Variants in PCDH15 observed in about 807,000 individuals in gnomAD.
The protein encoded by PCDH15 is protocadherin related 15, also known as protocadherin-15.
Under a neutral mutation model 178.5 loss-of-function variants are expected in PCDH15, and 129 were observed. The ratio of observed to expected loss-of-function variants is 0.72; its 90% CI spans 0.63 to 0.84. PCDH15 has a LOEUF of 0.84. Among genes scored for constraint, PCDH15 ranks in the 40% least tolerant of loss-of-function variants. PCDH15 has a pLI of 0.00. For missense variants in PCDH15, 2,230 were observed against 2,099.9 expected (o/e 1.06, Z -1.21); for synonymous variants, 800 against 732.0 (o/e 1.09, Z -1.50).
chr10:54,320,299 C>T (rs1462999351), intron 7 of PCDH15, among the ~76,000 whole-genome samples: 3 of 152,004 alleles, frequency 2.0e-5, no homozygotes, highest in Non-Finnish European at 2.9e-5. Context: ...TTAATCTCCC[C>T]TTTGACTCCT....
At chr10:53,886,598 T>C (rs1356819950) in intron 26 of PCDH15, among the ~76,000 whole-genome samples, 3 of 14,396 alleles carry the variant, frequency 2.1e-4, no homozygotes, top group African/African-American at 8.3e-4. Context: ...TATGCCTCTT[T>C]TTTTTTTTTT....
At chr10:55,605,019 A>T (rs1843181366) in intron 2 of PCDH15, among the ~76,000 whole-genome samples, 1 of 152,310 alleles carries the variant, frequency 6.6e-6, no homozygotes, top group Admixed American at 6.5e-5. Context: ...AAAGAAAACA[A>T]GAGAGAAGAA....
chr10:54,651,003 A>G (rs1470946219), intron 2 of PCDH15, among the ~76,000 whole-genome samples: 2 of 152,164 alleles, frequency 1.3e-5, no homozygotes, highest in Non-Finnish European at 2.9e-5. Flanking sequence ...CACTAAATAC[A>G]ATCAGTGGCA....
intron 2 of PCDH15, among the ~76,000 whole-genome samples, chr10:55,401,764 T>C (rs1330677913): frequency 6.6e-6 from 1 of 151,982 alleles, no homozygotes; most frequent in Non-Finnish European, 1.5e-5. Context: ...ACATTTAATA[T>C]GCATTATACA....
chr10:54,637,872 A>C (rs755507907), intron 2 of PCDH15, among the ~76,000 whole-genome samples: 2 of 152,108 alleles, frequency 1.3e-5, no homozygotes, highest in Non-Finnish European at 2.9e-5. Context: ...GTCTGAATCT[A>C]TTTGGTACTG....
At chr10:54,455,082 T>A (rs1013968633) in intron 3 of PCDH15, among the ~76,000 whole-genome samples, 3 of 152,168 alleles carry the variant, frequency 2.0e-5, no homozygotes, top group African/African-American at 7.2e-5. Context: ...CCTGCTGCCA[T>A]GTGAAGAAGA....
intron 23 of PCDH15, among the ~76,000 whole-genome samples, chr10:53,952,559 A>T (rs964542209): frequency 2.6e-5 from 4 of 152,138 alleles, no homozygotes; most frequent in African/African-American, 9.7e-5. Context: ...CAGCCTGGAG[A>T]AAGCACCATA....
intron 3 of PCDH15, among the ~76,000 whole-genome samples, chr10:54,815,562 A>C (rs371782783): frequency 3.9e-5 from 6 of 152,132 alleles, no homozygotes; most frequent in African/African-American, 1.2e-4. Flanking sequence ...TCTCCAGTAA[A>C]TTGCATATCA....
chr10:55,034,013 C>T (rs879818173), intron 2 of PCDH15, among the ~76,000 whole-genome samples: 1 of 151,702 alleles, frequency 6.6e-6, no homozygotes, highest in Non-Finnish European at 1.5e-5. Flanking sequence ...TGGATGTGGC[C>T]TTACCAGACA....
intron 2 of PCDH15, among the ~76,000 whole-genome samples, chr10:55,514,352 T>G (rs566584890): frequency 2.3e-4 from 35 of 152,230 alleles, no homozygotes; most frequent in Middle Eastern, 3.4e-3. Context: ...TTGATGAGAT[T>G]TGGTATAGTA....
intron 3 of PCDH15, among the ~76,000 whole-genome samples, chr10:54,380,729 T>TATATATAC (rs1554941858): frequency 8.7e-6 from 1 of 115,074 alleles, no homozygotes; most frequent in African/African-American, 3.7e-5. Flanking sequence ...TATATATATA[T>TATATATAC]ATATATATAT....
At chr10:53,904,690 C>T (rs1194139873) in intron 25 of PCDH15, among the ~76,000 whole-genome samples, 1 of 152,066 alleles carries the variant, frequency 6.6e-6, no homozygotes, top group Non-Finnish European at 1.5e-5. Context: ...CCTGCAGTGC[C>T]AGGGCTCTGA....
At chr10:54,863,798 C>T (rs1953889985) in intron 3 of PCDH15, among the ~76,000 whole-genome samples, 1 of 152,052 alleles carries the variant, frequency 6.6e-6, no homozygotes, top group Admixed American at 6.6e-5. Context: ...AGTGGAACCG[C>T]CAGTCATAAG....
At position 54,541,930 on chromosome 10, in the gene PCDH15, G is replaced by A. The variant is rs77863134; in HGVS notation, c.92-14053C>T. ...TTCTTAATAAGTCTTTGTTTGCAGA[G>A]TACTTTGACTACTAAATAAAATTCT... On this transcript the variant is annotated intron_variant, in intron 2 of 37. Coordinates refer to ENST00000644397, the MANE Select transcript of PCDH15 (RefSeq NM_001384140.1). 1.4e-4 allele frequency among the ~76,000 whole-genome samples: 21 copies of A among 152,216 alleles called. 1 individual carries two copies. In the East Asian group the frequency reaches 3.9e-3, roughly 28 times the overall value.
intron 2 of PCDH15, among the ~76,000 whole-genome samples, chr10:55,158,884 AAGAGAG>A (rs35343114): frequency 3.3e-5 from 5 of 150,104 alleles, no homozygotes; most frequent in Non-Finnish European, 5.9e-5. Flanking sequence ...AGGGAGGGAG[AAGAGAG>A]AGAGAGAGAA....
intron 11 of PCDH15, among the ~76,000 whole-genome samples, chr10:54,190,689 C>T (rs2048908885): frequency 6.6e-6 from 1 of 152,170 alleles, no homozygotes; most frequent in Non-Finnish European, 1.5e-5. Flanking sequence ...TATGAGTGAG[C>T]CACCACACCC....
At chr10:54,868,531 C>A (rs1487996047) in intron 3 of PCDH15, among the ~76,000 whole-genome samples, 1 of 152,150 alleles carries the variant, frequency 6.6e-6, no homozygotes, top group Non-Finnish European at 1.5e-5. Context: ...GGTGCTTCAT[C>A]AGATCACATT....
chr10:54,636,431 A>T (rs967611791), intron 2 of PCDH15, among the ~76,000 whole-genome samples: 1 of 151,970 alleles, frequency 6.6e-6, no homozygotes, highest in African/African-American at 2.4e-5. Flanking sequence ...CAGCAGTCTC[A>T]GGTCTCTTTT....
At chr10:54,906,848 T>C (rs1055184783) in intron 2 of PCDH15, among the ~76,000 whole-genome samples, 2 of 152,144 alleles carry the variant, frequency 1.3e-5, no homozygotes, top group Non-Finnish European at 2.9e-5. Context: ...GAATTTCTGT[T>C]TTCTCATAAG....
Sources: allele counts gnomAD v4.1 joint callset (sites outside exome capture counted in the v4.1 genomes callset), GRCh38; gene constraint gnomAD v4.1.1; transcripts MANE v1.5; gene names NCBI Gene and HGNC (gene_info 2026-07-23, HGNC 2026-07-21).